CENPU: variants seen among roughly 807,000 people sequenced by gnomAD.
CENPU encodes KSHV latent nuclear antigen interacting protein 1.
CENPU carries 46 observed loss-of-function variants against 56.7 expected under a neutral mutation model. The ratio of observed to expected loss-of-function variants is 0.81; its 90% CI spans 0.64 to 1.04. CENPU has a LOEUF of 1.04. CENPU is among the 50% of genes least tolerant of loss of function. The pLI is 0.00. For synonymous variants in CENPU, 166 were observed against 163.0 expected (o/e 1.02, Z -0.14); for missense variants, 510 against 490.1 (o/e 1.04, Z -0.38).
At chr4:184,717,309 C>T (rs968993601) in intron 4 of CENPU, 113 bp from the exon 5 acceptor site, 3 of 766,280 alleles carry the variant, frequency 3.9e-6, no homozygotes, top group Admixed American at 4.2e-5. Flanking sequence ...AGGAAATATC[C>T]TATTTGTCAC....
intron 8 of CENPU, among the ~76,000 whole-genome samples, chr4:184,708,216 C>T (rs1301731764): frequency 1.1e-5 from 1 of 90,516 alleles, no homozygotes; most frequent in Non-Finnish European, 2.1e-5. Context: ...GAGTGAGACT[C>T]CATCTCAAAA....
At chr4:184,710,017 T>C in intron 8 of CENPU, 55 bp downstream of exon 8, 1 of 908,568 alleles carries the variant, frequency 1.1e-6, no homozygotes, top group Middle Eastern at 2.3e-4. Flanking sequence ...TGAGCAAAAA[T>C]GGTGCTTCAG....
At chr4:184,732,836 T>C (rs1761698283) in intron 1 of CENPU, among the ~76,000 whole-genome samples, 1 of 152,066 alleles carries the variant, frequency 6.6e-6, no homozygotes, top group African/African-American at 2.4e-5. Context: ...ACCCCGTCTT[T>C]ACTAAAAATA....
intron 12 of CENPU, among the ~76,000 whole-genome samples, chr4:184,695,816 A>G (rs527943116): frequency 1.3e-5 from 2 of 152,320 alleles, no homozygotes; most frequent in African/African-American, 4.8e-5. Flanking sequence ...AACTGAAATA[A>G]CTAATGGAAT....
chr4:184,701,764 T>A (rs1760542342), intron 10 of CENPU, among the ~76,000 whole-genome samples: 1 of 152,210 alleles, frequency 6.6e-6, no homozygotes, highest in East Asian at 1.9e-4. Context: ...TATTTATCCA[T>A]GTAAGTGGTC....
At chr4:184,702,174 CAAAAGT>C (rs762894539) in intron 9 of CENPU, 38 bp from the exon 10 acceptor site, 2 of 1,500,174 alleles carry the variant, frequency 1.3e-6, no homozygotes, top group Admixed American at 1.8e-5. Flanking sequence ...CATCAGTTTC[CAAAAGT>C]AAATGTTAAT....
At chr4:184,723,862 A>T (rs969990493) in intron 4 of CENPU, among the ~76,000 whole-genome samples, 6 of 151,312 alleles carry the variant, frequency 4.0e-5, no homozygotes, top group African/African-American at 1.5e-4. Flanking sequence ...AAAAAAAAAA[A>T]AAAATAAGCT....
rs368662408 is a variant in CENPU, at chr4:184,716,508, C to G, written c.507G>C (p.Ala169=). 1 of 1,614,158 alleles carries G rather than the reference C, an allele frequency of 6.2e-7. No homozygotes were observed. Among genetic ancestry groups the G allele is most frequent in the East Asian group, 2.2e-5 (1 of 44,878 alleles). Residue 169 remains alanine, a synonymous_variant, in exon 6 of 13, where the codon GCG becomes GCC. Coordinates refer to ENST00000281453, the MANE Select transcript of CENPU (RefSeq NM_024629.4). ...TQRHEVIRTT[A]SSELSEKPAE... The stretch of plus-strand genomic sequence containing the variant: ...CTGGTTTCTCTGAAAGTTCTGAAGA[C>G]GCTGTGGTTCGAATAACCTCATGAC...
At chr4:184,697,571 C>A in intron 12 of CENPU, 76 bp downstream of exon 12, 1 of 1,386,714 alleles carries the variant, frequency 7.2e-7, no homozygotes, top group Non-Finnish European at 1.0e-6. Flanking sequence ...TTCCCCAAAG[C>A]TTCTGATACT....
Position 184,730,780 on chromosome 4 carries a change from A to C in CENPU, c.96+140T>G, listed in dbSNP as rs928956178. The C allele has an allele frequency of 2.8e-5, 16 of 561,694 alleles. No individual in the cohort carries two copies. The African/African-American group carries it at 2.9e-4, about 10-fold the overall frequency. The allele number at this position is 561,694 out of a possible 1,614,324, so 34.8% of individuals were successfully genotyped here. The stretch of plus-strand genomic sequence containing the variant: ...TCATTTTATCCACTATACCGGAAAA[A>C]GTGTGAGGAAAATGAACACACTTTT... On this transcript the variant is annotated intron_variant, in intron 2 of 12. Transcript: ENST00000281453.
In CENPU at chr4:184,718,281, C is replaced by T. The variant is rs530271545; in HGVS notation, c.321-1085G>A. Among the ~76,000 whole-genome samples the T allele has an allele frequency of 3.9e-5, 6 of 152,362 alleles. No homozygotes were observed. In the South Asian group the frequency reaches 1.0e-3, roughly 26 times the overall value. On this transcript the variant is annotated intron_variant, in intron 4 of 12. Coordinates refer to ENST00000281453, the MANE Select transcript of CENPU (RefSeq NM_024629.4). ...AACAGCCCTCATTCCTCCAGAGCTCCGCAGTGGGTTGTTCAGAACCGTAGG... is the reference window on the plus strand; with the variant it reads ...AACAGCCCTCATTCCTCCAGAGCTCTGCAGTGGGTTGTTCAGAACCGTAGG...
At chr4:184,728,263 T>C (rs764093825) in intron 3 of CENPU, among the ~76,000 whole-genome samples, 7 of 152,230 alleles carry the variant, frequency 4.6e-5, no homozygotes, top group African/African-American at 1.4e-4. Context: ...ACATTTCACC[T>C]TATAAAATGT....
intron 8 of CENPU, among the ~76,000 whole-genome samples, chr4:184,702,675 T>G (rs1275226297): frequency 6.6e-6 from 1 of 152,166 alleles, no homozygotes; most frequent in African/African-American, 2.4e-5. Context: ...ACCACTCAGG[T>G]AGCGAGCATA....
In CENPU at chr4:184,712,969, T is replaced by C; in HGVS notation, c.663A>G (p.Lys221=). 1 of 1,595,314 alleles carries C rather than the reference T, an allele frequency of 6.3e-7. No homozygotes were observed. Among genetic ancestry groups the C allele is most frequent in the Non-Finnish European group, 8.5e-7 (1 of 1,170,194 alleles). The change falls in exon 7 of 13, where the codon AAA becomes AAG. Residue 221 remains lysine (K), a synonymous_variant. Transcript: ENST00000281453. ...KGKISHDKRK[K]SRSKAIGSDT... is the part of the protein sequence containing the mutation. ...CTGAGCCTATGGCTTTACTTCTTGA[T>C]TTCTTCCTTTTGTCATGAGATATCT...
rs1238500794 is a variant in CENPU at position 184,716,590 on chromosome 4, A to G, written c.425T>C (p.Ile142Thr). 5.6e-6 allele frequency: 9 copies of G among 1,614,106 alleles called. No homozygotes were observed. Among genetic ancestry groups the G allele is most frequent in the Admixed American group, 3.3e-5 (2 of 60,028 alleles). The change falls in exon 6 of 13, where the codon ATT becomes ACT. Residue 142 changes from isoleucine to threonine, a missense_variant. By Grantham distance (89) the Ile-to-Thr change is moderately conservative. Transcript: ENST00000281453. ...LRPISDDSES[I>T]EESDTRRKVK... is the part of the protein sequence containing the mutation. ...TTTTCTCCTTGTATCACTTTCTTCA[A>G]TGCTTTCAGAGTCATCACTAATGGG...
chr4:184,732,030 T>G (rs569284072), intron 1 of CENPU, among the ~76,000 whole-genome samples: 1 of 152,192 alleles, frequency 6.6e-6, no homozygotes, highest in South Asian at 2.1e-4. Context: ...GATACCATAA[T>G]CTAATCTACA....
At chr4:184,703,088 G>C (rs893698989) in intron 8 of CENPU, among the ~76,000 whole-genome samples, 2 of 152,024 alleles carry the variant, frequency 1.3e-5, no homozygotes, top group South Asian at 4.1e-4. Flanking sequence ...AAAAAACACC[G>C]GAAACATGTA....
At chr4:184,698,098 T>G in intron 11 of CENPU, 1 of 268,404 alleles carries the variant, frequency 3.7e-6, no homozygotes, top group Non-Finnish European at 7.0e-6. Flanking sequence ...CTGGATCAAA[T>G]GTATGCCTGG....
rs1561147267 is a variant in CENPU at position 184,728,938 on chromosome 4, T to C, written c.194A>G (p.Glu65Gly). 3.7e-6 allele frequency: 6 copies of C among 1,613,796 alleles called. No homozygotes were observed. The Admixed American group carries it at 1.0e-4, about 27-fold the overall frequency. Residue 65 changes from glutamate (E) to glycine (G), a missense_variant, in exon 3 of 13, where the codon GAA (glutamate) becomes GGA (glycine). By Grantham distance (98) the Glu-to-Gly change is moderately conservative. Transcript: ENST00000281453. Reference protein sequence around the residue: ...IGRLGENEKDEETYETFDPPL... With the variant: ...IGRLGENEKDGETYETFDPPL... Reference sequence around the variant, plus strand: ...CTAACCAAAGGTCTCATAAGTTTCTTCATCTTTCTCATTTTCACCCAGCCT... The same window carrying C: ...CTAACCAAAGGTCTCATAAGTTTCTCCATCTTTCTCATTTTCACCCAGCCT...
Sources: gnomAD v4.1 joint callset for allele counts (sites outside exome capture counted in the v4.1 genomes callset) on GRCh38, gnomAD v4.1.1 for gene constraint, MANE v1.5 for transcripts, NCBI Gene and HGNC (gene_info 2026-07-23, HGNC 2026-07-21) for gene names.